TLE2: variants seen among roughly 807,000 people sequenced by gnomAD.
The protein encoded by TLE2 is transducin-like enhancer protein 2.
In TLE2, 74 loss-of-function variants were observed where a neutral mutation model predicts 97.2. That is an observed-to-expected ratio of 0.76 (90% CI 0.63 to 0.92). TLE2 has a LOEUF of 0.92. Among genes scored for constraint, TLE2 ranks in the 40% least tolerant of loss-of-function variants. The pLI, the probability that TLE2 is intolerant of heterozygous loss-of-function variation, is 0.00. For missense variants in TLE2, 1,038 were observed against 1,008.7 expected (o/e 1.03, Z -0.39); for synonymous variants, 499 against 432.1 (o/e 1.15, Z -1.92).
rs764714978 is a variant in TLE2 at position 3,005,469 on chromosome 19, G to C, written c.1864C>G (p.Arg622Gly). Residue 622 changes from arginine to glycine, a missense_variant, in exon 17 of 20, where the codon CGC becomes GGC. Arg to Gly is a moderately radical substitution (Grantham distance 125). Transcript: ENST00000262953. ...CTGAAGTCATGCTGCTGCAGCTGGC[G>C]GCCCTCCCGCAGGTCCCAGCAGCGC... The part of the protein sequence containing the change: ...TVRCWDLREG[R>G]QLQQHDFSSQ... 2.5e-6 allele frequency: 4 copies of C among 1,613,770 alleles called. No homozygotes were observed. The highest frequency in any genetic ancestry group is 3.4e-6 in the Non-Finnish European group (4 of 1,179,810).
chr19:3,015,735 C>T lies in TLE2; in HGVS notation c.596G>A (p.Ser199Asn). 6.2e-7 allele frequency: 1 copy of T among 1,610,932 alleles called. No individual in the cohort carries two copies. The highest frequency in any genetic ancestry group is 8.5e-7 in the Non-Finnish European group (1 of 1,179,150). Residue 199 changes from serine (S) to asparagine (N), a missense_variant, in exon 9 of 20, where the codon AGT becomes AAT. Transcript: ENST00000262953. ...ACTCGGTCGCTCCTCCTCCACGAGA[C>T]TCTCAGGGGGCGAGGGAGATGCACT... ...SRSASPSPPE[S>N]LVEEERPSGP...
intron 18 of TLE2, among the ~76,000 whole-genome samples, chr19:3,001,244 G>C (rs1157720740): frequency 6.7e-6 from 1 of 149,842 alleles, no homozygotes; most frequent in African/African-American, 2.5e-5. Context: ...CTGCACTCCA[G>C]CCTGGGTAAC....
intron 19 of TLE2, among the ~76,000 whole-genome samples, chr19:3,000,161 T>A (rs2089323176): frequency 6.6e-6 from 1 of 151,314 alleles, no homozygotes; most frequent in African/African-American, 2.4e-5. Flanking sequence ...AAGCTCCACC[T>A]CCTGGGTTCA....
chr19:3,005,992 G>A (rs746462595), intron 15 of TLE2, 24 bp from the exon 16 acceptor site: 2 of 1,609,302 alleles, frequency 1.2e-6, no homozygotes, highest in East Asian at 2.2e-5. Context: ...GAGAAGCAGG[G>A]GCTGGGGGTT....
intron 11 of TLE2, among the ~76,000 whole-genome samples, chr19:3,013,309 G>A (rs551956540): frequency 1.3e-5 from 2 of 152,130 alleles, no homozygotes; most frequent in South Asian, 4.1e-4. Context: ...AAGCGCCTCT[G>A]GAAGGGCTCA....
At chr19:3,034,870 G>T (rs1226864020) in intron 1 of TLE2, among the ~76,000 whole-genome samples, 1 of 152,078 alleles carries the variant, frequency 6.6e-6, no homozygotes, top group South Asian at 2.1e-4. Context: ...ACAGGGACAC[G>T]TACCCTCCCA....
At chr19:3,021,111 AAAAGGGGGGGG>A (rs2089830673) in intron 5 of TLE2, among the ~76,000 whole-genome samples, 1 of 105,074 alleles carries the variant, frequency 9.5e-6, no homozygotes, top group Non-Finnish European at 2.0e-5. Flanking sequence ...AAAAAAAAAA[AAAAGGGGGGGG>A]GGTGCTGAGC....
chr19:3,007,374 G>C (rs941661840), intron 14 of TLE2, among the ~76,000 whole-genome samples: 3 of 152,180 alleles, frequency 2.0e-5, no homozygotes, highest in African/African-American at 7.2e-5. Context: ...ACAGGCATGA[G>C]CCACCGGGCC....
Position 3,005,798 on chromosome 19 carries a change from G to T in TLE2, c.1671C>A (p.Pro557=). ...APACYALAVS[P]DAKVCFSCCS... is the part of the protein sequence containing the mutation. ...AGCAGGAGAAGCAAACCTTGGCGTC[G>T]GGGCTGACGGCCAGGGCGTAGCAGG... The change falls in exon 16 of 20, where the codon CCC becomes CCA. Residue 557 remains proline, a synonymous_variant. Transcript: ENST00000262953. 6.2e-7 allele frequency: 1 copy of T among 1,613,966 alleles called. No homozygotes were observed.
Position 3,008,857 on chromosome 19 carries a change from C to A in TLE2, c.1250+12G>T. 1.3e-6 allele frequency: 2 copies of A among 1,565,172 alleles called. No individual in the cohort carries two copies. Among genetic ancestry groups the A allele is most frequent in the Non-Finnish European group, 1.7e-6 (2 of 1,154,796 alleles). On this transcript the variant is annotated intron_variant, in intron 14 of 19. Coordinates refer to ENST00000262953, the MANE Select transcript of TLE2 (RefSeq NM_003260.5). The stretch of plus-strand genomic sequence containing the variant: ...CGGGACCCCAGGCAGGGAGCCCCAC[C>A]CTGGTACTCACGGCTTTCCCCCAGG...
chr19:3,002,276 C>A, intron 18 of TLE2, 77 bp downstream of exon 18: 1 of 1,497,434 alleles, frequency 6.7e-7, no homozygotes, highest in Non-Finnish European at 8.9e-7. Flanking sequence ...TGTTATTTAT[C>A]TAAGATTCAG....
Position 3,035,140 on chromosome 19 carries a change from G to A in TLE2, c.64-6337C>T, listed in dbSNP as rs775449247. Among the ~76,000 whole-genome samples the A allele has an allele frequency of 3.3e-5, 5 of 152,202 alleles. No individual in the cohort carries two copies. The East Asian group carries it at 5.8e-4, about 18-fold the overall frequency. On this transcript the variant is annotated intron_variant, in intron 1 of 18. Coordinates refer to the TLE2 transcript ENST00000426948. ...CCTTAGTGTGTGATCCGCCAGGAAG[G>A]AGGAGTTTTTGCTCTGGGCAGCAAC... is the stretch of plus-strand genomic sequence containing the variant.
rs188348314 is a variant in TLE2, at chr19:3,011,110, C to T, written c.924G>A (p.Pro308=). Residue 308 remains proline (P), a synonymous_variant, in exon 12 of 20, where the codon CCG becomes CCA. Coordinates refer to ENST00000262953, the MANE Select transcript of TLE2 (RefSeq NM_003260.5). ...TPASKSCDSS[P]PQDASTPGPS... ...GCCCGGGGGTGGAAGCGTCCTGGGG[C>T]GGGGAGGAGTCACAGGATTTGGAGG... The T allele has an allele frequency of 3.5e-4, 557 of 1,610,270 alleles. 4 individuals are homozygous for T. In the African/African-American group the frequency reaches 6.4e-3, roughly 18 times the overall value.
At chr19:3,035,602 C>T (rs2090056145) in intron 1 of TLE2, among the ~76,000 whole-genome samples, 1 of 152,054 alleles carries the variant, frequency 6.6e-6, no homozygotes, top group Non-Finnish European at 1.5e-5. Context: ...CACCTTAAAT[C>T]AGCCTGGCCG....
intron 1 of TLE2, among the ~76,000 whole-genome samples, chr19:3,042,535 G>A (rs1271072567): frequency 6.6e-6 from 1 of 151,404 alleles, no homozygotes. Flanking sequence ...TCCAGGGAAG[G>A]TTAGGGGACC....
At position 3,019,168 on chromosome 19, in the gene TLE2, G is replaced by A; in HGVS notation, c.550+115C>T. 1.4e-6 allele frequency: 2 copies of A among 1,422,268 alleles called. No individual in the cohort carries two copies. The highest frequency in any genetic ancestry group is 1.9e-6 in the Non-Finnish European group (2 of 1,061,756). 88.1% of individuals were successfully genotyped at this position (1,422,268 alleles called of 1,614,324 possible). On this transcript the variant is annotated intron_variant, in intron 7 of 19. Transcript: ENST00000262953. The surrounding 1 kb of genome is among the most constrained non-coding windows in gnomAD (Gnocchi z 5.1). The stretch of plus-strand genomic sequence containing the variant: ...CCGCCTCGGCCTCCCAAATTGTTGG[G>A]ATTATAGGCATGAGCCACTTCATCC...
chr19:3,034,576 G>A (rs1215808091), intron 1 of TLE2, among the ~76,000 whole-genome samples: 1 of 150,642 alleles, frequency 6.6e-6, no homozygotes, highest in Non-Finnish European at 1.5e-5. Flanking sequence ...CTCCTTTTAT[G>A]CCTGGAGAAA....
In TLE2 at chr19:3,009,027, C is replaced by A; in HGVS notation, c.1174-82G>T. 5 of 1,161,196 alleles carry A rather than the reference C, an allele frequency of 4.3e-6. No individual in the cohort carries two copies. The South Asian group carries it at 8.0e-5, about 19-fold the overall frequency. The allele number at this position is 1,161,196 out of a possible 1,614,324, so 71.9% of individuals were successfully genotyped here. A position where few individuals can be genotyped will look rare whatever the true frequency, so the allele number is the denominator to read the frequency against. ...CCACCCCACGCCCACCTGCCATACC[C>A]CTCTCTGTTTATCACCCCTCCCCAA... is the stretch of plus-strand genomic sequence containing the variant. On this transcript the variant is annotated intron_variant, in intron 13 of 19. Coordinates refer to ENST00000262953, the MANE Select transcript of TLE2 (RefSeq NM_003260.5).
In TLE2 at chr19:3,021,928, G is replaced by A. The variant is rs902878054; in HGVS notation, c.295-2155C>T. ...AAATTAACTTAATAGATTTCAGGTC[G>A]GGCGCAGTGGCTCATGCCTGTAATC... On this transcript the variant is annotated intron_variant, in intron 5 of 19. Transcript: ENST00000262953. Among the ~76,000 whole-genome samples the A allele has an allele frequency of 7.9e-5, 12 of 152,244 alleles. No homozygotes were observed. The East Asian group carries it at 9.7e-4, about 12-fold the overall frequency.
Sources: allele counts gnomAD v4.1 joint callset (sites outside exome capture counted in the v4.1 genomes callset), GRCh38; gene constraint gnomAD v4.1.1; non-coding constraint Gnocchi (gnomAD v3.1); transcripts MANE v1.5; gene names NCBI Gene and HGNC (gene_info 2026-07-23, HGNC 2026-07-21).